The following WDR36 variants were observed in gnomAD, a reference collection of about 807,000 sequenced individuals.
WDR36 encodes WD repeat domain 36.
Under a neutral mutation model 112.7 loss-of-function variants are expected in WDR36, and 63 were observed. The observed-to-expected ratio is 0.56, with a 90% confidence interval of 0.46 to 0.69. WDR36 has a LOEUF of 0.69. Among genes scored for constraint, WDR36 ranks in the 30% least tolerant of loss-of-function variants. The pLI is 0.00. For synonymous variants in WDR36, 410 were observed against 362.2 expected (o/e 1.13, Z -1.50); for missense variants, 1,226 against 1,070.3 (o/e 1.15, Z -2.03).
At chr5:111,105,465 A>G in intron 10 of WDR36, 105 bp downstream of exon 10, 1 of 1,040,844 alleles carries the variant, frequency 9.6e-7, no homozygotes, top group Non-Finnish European at 1.5e-6. Context: ...TTTTTCTTGG[A>G]TGAACTAGAT....
intron 19 of WDR36, 88 bp from the exon 20 acceptor site, chr5:111,123,717 T>A (rs1753616793): frequency 2.0e-6 from 3 of 1,516,630 alleles, no homozygotes; most frequent in Non-Finnish European, 2.7e-6. Context: ...TACTTTTTGG[T>A]ATTTGTTTTA....
intron 16 of WDR36, among the ~76,000 whole-genome samples, chr5:111,114,040 C>T (rs1265596623): frequency 6.6e-6 from 1 of 152,056 alleles, no homozygotes; most frequent in African/African-American, 2.4e-5. Context: ...TGTGTGTCTT[C>T]GGATTTGGTT....
At chr5:111,112,359 T>C (rs1470759264) in intron 15 of WDR36, among the ~76,000 whole-genome samples, 1 of 152,004 alleles carries the variant, frequency 6.6e-6, no homozygotes, top group Non-Finnish European at 1.5e-5. Flanking sequence ...CTTCTGTAAA[T>C]TGATCTATCT....
At chr5:111,100,864 C>A in intron 5 of WDR36, 143 bp downstream of exon 5, 1 of 710,068 alleles carries the variant, frequency 1.4e-6, no homozygotes, top group Non-Finnish European at 2.3e-6. Context: ...TCCCCTGTAT[C>A]AGAGGAGTCA....
chr5:111,123,545 G>A (rs1344046977), intron 19 of WDR36, among the ~76,000 whole-genome samples: 16 of 152,178 alleles, frequency 1.1e-4, no homozygotes, highest in Admixed American at 1.0e-3. Context: ...AATGAGCTGT[G>A]TTTGTCTTAG....
chr5:111,110,219 G>A lies in WDR36; in HGVS notation c.1357G>A (p.Ala453Thr). Residue 453 changes from alanine to threonine, a missense_variant, in exon 13 of 23, where the codon GCT becomes ACT. Coordinates refer to ENST00000513710, the MANE Select transcript of WDR36 (RefSeq NM_139281.3). Reference protein sequence around the residue: ...AVDITSCGNFAVIGLSSGTVD... With the variant: ...AVDITSCGNFTVIGLSSGTVD... ...GGATATAACTTCTTGTGGAAACTTT[G>A]CTGTAATTGGCCTCTCATCAGGAAC... is the stretch of plus-strand genomic sequence containing the variant. 6.2e-7 allele frequency: 1 copy of A among 1,610,652 alleles called. No homozygotes were observed. The highest frequency in any genetic ancestry group is 8.5e-7 in the Non-Finnish European group (1 of 1,177,532).
At chr5:111,121,184 A>C in intron 19 of WDR36, 43 bp downstream of exon 19, 1 of 1,609,498 alleles carries the variant, frequency 6.2e-7, no homozygotes, top group African/African-American at 1.3e-5. Flanking sequence ...ATGCATCCAG[A>C]AGCATTTTTA....
intron 21 of WDR36, 40 bp downstream of exon 21, chr5:111,124,229 C>G (rs1753629955): frequency 6.7e-7 from 1 of 1,490,924 alleles, no homozygotes; most frequent in Non-Finnish European, 9.3e-7. Flanking sequence ...ATATATTTAG[C>G]TTATTTTACT....
At chr5:111,094,597 A>C (rs901232153) in intron 1 of WDR36, among the ~76,000 whole-genome samples, 1 of 152,208 alleles carries the variant, frequency 6.6e-6, no homozygotes, top group African/African-American at 2.4e-5. Flanking sequence ...TTATTTATCT[A>C]TTACGTATGG....
rs1393769362 is a variant in WDR36, at chr5:111,129,163, T to A, written c.*2280T>A. ...TAATAGACACTTAAGGAAGTTTTCC[T>A]TCTTTTTATTCCTTTATAATTACAA... On this transcript the variant is annotated 3_prime_UTR_variant, in exon 23 of 23. Transcript: ENST00000513710. 1 of 198,496 alleles carries A rather than the reference T, an allele frequency of 5.0e-6. No homozygotes were observed. Among genetic ancestry groups the A allele is most frequent in the Non-Finnish European group, 1.0e-5 (1 of 95,986 alleles). The allele number at this position is 198,496 out of a possible 1,614,324, so 12.3% of individuals were successfully genotyped here.
intron 10 of WDR36, among the ~76,000 whole-genome samples, chr5:111,105,773 T>C (rs1425105612): frequency 6.6e-6 from 1 of 151,646 alleles, no homozygotes; most frequent in Non-Finnish European, 1.5e-5. Context: ...ATTTTGTTTA[T>C]TAAACAACAA....
intron 3 of WDR36, among the ~76,000 whole-genome samples, chr5:111,098,405 G>C (rs1753038742): frequency 6.6e-6 from 1 of 152,170 alleles, no homozygotes; most frequent in Non-Finnish European, 1.5e-5. Context: ...TAGTTGCACT[G>C]ATTGAATTGG....
intron 21 of WDR36, 150 bp from the exon 22 acceptor site, chr5:111,125,458 C>A: frequency 1.3e-6 from 1 of 757,418 alleles, no homozygotes; most frequent in Non-Finnish European, 2.1e-6. Flanking sequence ...TTTTGGGTTT[C>A]ATTCTACTAC....
intron 19 of WDR36, 46 bp from the exon 20 acceptor site, chr5:111,123,759 T>C (rs374715777): frequency 1.2e-6 from 2 of 1,606,676 alleles, no homozygotes; most frequent in African/African-American, 2.7e-5. Context: ...TGAGAAACTG[T>C]TGGCAAGATA....
At position 111,125,653 on chromosome 5, in the gene WDR36, T is replaced by C. The variant is rs1238250092; in HGVS notation, c.2396T>C (p.Ile799Thr). The change falls in exon 22 of 23, where the codon ATT (isoleucine) becomes ACT (threonine). Residue 799 changes from isoleucine to threonine, a missense_variant. By Grantham distance (89) the Ile-to-Thr change is moderately conservative. Coordinates refer to ENST00000513710, the MANE Select transcript of WDR36 (RefSeq NM_139281.3). ...CTGAAAGAATCAGGCCCATCAGGAATTGAAACAGAGCTGCGAAGCTTGTCT... is the reference window on the plus strand; with the variant it reads ...CTGAAAGAATCAGGCCCATCAGGAACTGAAACAGAGCTGCGAAGCTTGTCT... ...NLLKESGPSG[I>T]ETELRSLSPD... 1 of 1,613,836 alleles carries C rather than the reference T, an allele frequency of 6.2e-7. No individual in the cohort carries two copies.
At chr5:111,118,616 A>G (rs1484597744) in intron 16 of WDR36, among the ~76,000 whole-genome samples, 1 of 152,134 alleles carries the variant, frequency 6.6e-6, no homozygotes, top group African/African-American at 2.4e-5. Context: ...TAAGCTTTTC[A>G]TTAGTTTCAC....
Position 111,110,968 on chromosome 5 carries a change from A to T in WDR36, c.1607+15A>T. On this transcript the variant is annotated intron_variant, in intron 14 of 22. Coordinates refer to ENST00000513710, the MANE Select transcript of WDR36 (RefSeq NM_139281.3). Reference sequence around the variant, plus strand: ...CATAGGGACAGGTAAACTTTTAATGATAATGGATTTTCTCTTTGATTCTTT... The same window carrying T: ...CATAGGGACAGGTAAACTTTTAATGTTAATGGATTTTCTCTTTGATTCTTT... 1 of 1,610,352 alleles carries T rather than the reference A, an allele frequency of 6.2e-7. No homozygotes were observed.
At chr5:111,121,849 T>C (rs1753573520) in intron 19 of WDR36, among the ~76,000 whole-genome samples, 1 of 152,194 alleles carries the variant, frequency 6.6e-6, no homozygotes, top group African/African-American at 2.4e-5. Flanking sequence ...CTTTTGATCA[T>C]GAATGCAAGT....
intron 16 of WDR36, among the ~76,000 whole-genome samples, chr5:111,117,872 C>G (rs1377834135): frequency 6.6e-6 from 1 of 152,136 alleles, no homozygotes; most frequent in Non-Finnish European, 1.5e-5. Context: ...TCGCTTTTAG[C>G]CAGCCTAAGG....
Sources: allele counts gnomAD v4.1 joint callset (sites outside exome capture counted in the v4.1 genomes callset), GRCh38; gene constraint gnomAD v4.1.1; transcripts MANE v1.5; gene names NCBI Gene and HGNC (gene_info 2026-07-23, HGNC 2026-07-21).